Variants in TSHZ2 observed in about 807,000 individuals in gnomAD.
The protein encoded by TSHZ2 is teashirt zinc finger homeobox 2.
A neutral mutation model predicts 74.4 loss-of-function variants in TSHZ2; 21 were observed. The ratio of observed to expected loss-of-function variants is 0.28; its 90% CI spans 0.20 to 0.41. TSHZ2 has a LOEUF of 0.41. Among genes scored for constraint, TSHZ2 ranks in the 10% least tolerant of loss-of-function variants. TSHZ2 has a pLI of 1.00. For missense variants in TSHZ2, 1,244 were observed against 1,293.5 expected, an observed-to-expected ratio of 0.96 and a Z score of 0.59; for synonymous variants, 540 against 515.3, an observed-to-expected ratio of 1.05 and a Z score of -0.65.
chr20:53,384,938 C>T (rs965006527), intron 2 of TSHZ2, among the ~76,000 whole-genome samples: 17 of 152,170 alleles, frequency 1.1e-4, no homozygotes, highest in African/African-American at 3.1e-4. Flanking sequence ...CTGGCTAACA[C>T]GGTGAAACCC....
intron 2 of TSHZ2, among the ~76,000 whole-genome samples, chr20:53,467,278 G>T (rs1985591373): frequency 6.6e-6 from 1 of 152,108 alleles, no homozygotes; most frequent in South Asian, 2.1e-4. Context: ...TTCAACATTT[G>T]TTTAATGCAG....
chr20:53,405,124 C>T (rs1982797569), intron 2 of TSHZ2, among the ~76,000 whole-genome samples: 1 of 143,326 alleles, frequency 7.0e-6, no homozygotes, highest in Middle Eastern at 3.6e-3. Flanking sequence ...TTGCGCGTAC[C>T]TATAGTCTCA....
chr20:53,310,323 G>A (rs762273995), intron 2 of TSHZ2, among the ~76,000 whole-genome samples: 16 of 152,234 alleles, frequency 1.1e-4, no homozygotes, highest in Non-Finnish European at 1.9e-4. Flanking sequence ...GACTAGATCA[G>A]AGGATATCAA....
At chr20:53,000,014 T>C (rs1277837147) in intron 1 of TSHZ2, among the ~76,000 whole-genome samples, 1 of 152,234 alleles carries the variant, frequency 6.6e-6, no homozygotes, top group Admixed American at 6.5e-5. Context: ...CCTGGTGTTA[T>C]GCTAAACACT....
rs80039881 is a variant in TSHZ2, at chr20:53,081,416, C to T, written c.40+108083C>T. Among the ~76,000 whole-genome samples the T allele has an allele frequency of 5.0e-3, 759 of 152,330 alleles. 2 individuals are homozygous for T. Among genetic ancestry groups the T allele is most frequent in the Non-Finnish European group, 8.7e-3 (590 of 68,034 alleles). On this transcript the variant is annotated intron_variant, in intron 1 of 2. Coordinates refer to ENST00000371497, the MANE Select transcript of TSHZ2 (RefSeq NM_173485.6). ...GTTTGCATTTGTGTACGTGTGACTT[C>T]GTCCTTGAGAAACACTGAACACAGA...
intron 1 of TSHZ2, chr20:53,206,557 G>C (rs1219505307): frequency 6.6e-6 from 1 of 152,246 alleles, no homozygotes. Flanking sequence ...TCAAGGCTTT[G>C]CATCTGGGTC....
chr20:53,085,181 G>A (rs1486445272), intron 1 of TSHZ2, among the ~76,000 whole-genome samples: 1 of 151,970 alleles, frequency 6.6e-6, no homozygotes, highest in Admixed American at 6.6e-5. Flanking sequence ...AGGCGAATAT[G>A]GTGAAACCTC....
At chr20:53,433,016 C>G (rs1362359015) in intron 2 of TSHZ2, among the ~76,000 whole-genome samples, 2 of 152,140 alleles carry the variant, frequency 1.3e-5, no homozygotes, top group East Asian at 1.9e-4. Flanking sequence ...GCATCATGTC[C>G]ACATTCAAGG....
At chr20:53,405,563 CT>C (rs1982819548) in intron 2 of TSHZ2, among the ~76,000 whole-genome samples, 1 of 152,118 alleles carries the variant, frequency 6.6e-6, no homozygotes, top group South Asian at 2.1e-4. Context: ...TATTTTAGTC[CT>C]GGTCAAGGTC....
At chr20:53,437,412 G>T (rs1267650691) in intron 2 of TSHZ2, among the ~76,000 whole-genome samples, 2 of 152,158 alleles carry the variant, frequency 1.3e-5, no homozygotes, top group Non-Finnish European at 2.9e-5. Flanking sequence ...GACAGAGGTT[G>T]CAGTGAGCCA....
chr20:53,356,155 A>T (rs553135203), intron 2 of TSHZ2, among the ~76,000 whole-genome samples: 7 of 152,360 alleles, frequency 4.6e-5, no homozygotes, highest in African/African-American at 1.7e-4. Flanking sequence ...ACTTGACAAC[A>T]TTCTACCTTA....
chr20:53,226,478 G>A (rs1452944475), intron 1 of TSHZ2, among the ~76,000 whole-genome samples: 1 of 151,756 alleles, frequency 6.6e-6, no homozygotes. Context: ...CTCTTAATTA[G>A]AATAGTCTGT....
intron 1 of TSHZ2, among the ~76,000 whole-genome samples, chr20:53,093,489 ACT>A (rs1985948463): frequency 1.3e-5 from 2 of 151,122 alleles, no homozygotes; most frequent in Non-Finnish European, 3.0e-5. Flanking sequence ...GCTCTCCTTC[ACT>A]CTCGCTGGGT....
intron 2 of TSHZ2, among the ~76,000 whole-genome samples, chr20:53,374,757 T>C (rs1458169703): frequency 2.6e-5 from 4 of 152,182 alleles, no homozygotes; most frequent in African/African-American, 9.7e-5. Context: ...ATGTTGAGCA[T>C]TTTCTCATAT....
intron 1 of TSHZ2, among the ~76,000 whole-genome samples, chr20:53,029,819 GCTTTC>G (rs1183927086): frequency 6.6e-6 from 1 of 151,746 alleles, no homozygotes; most frequent in Non-Finnish European, 1.5e-5. Context: ...AGTGGGAGGA[GCTTTC>G]CTTTTTCTTC....
intron 2 of TSHZ2, among the ~76,000 whole-genome samples, chr20:53,374,013 G>A (rs999551072): frequency 6.6e-6 from 1 of 152,150 alleles, no homozygotes; most frequent in African/African-American, 2.4e-5. Context: ...AGATTCAGGG[G>A]TACATGTGCA....
intron 1 of TSHZ2, among the ~76,000 whole-genome samples, chr20:53,242,827 C>A (rs1395893894): frequency 3.3e-5 from 5 of 152,256 alleles, no homozygotes; most frequent in African/African-American, 1.2e-4. Flanking sequence ...ACTTATGGGT[C>A]CAATCATTCA....
rs118005178 is a variant in TSHZ2 at position 53,216,751 on chromosome 20, A to G, written c.41-36748A>G. The stretch of plus-strand genomic sequence containing the variant: ...TTGGCTGCTTTAATATTTCTCTATA[A>G]ATCAATCCTCTTTCCCCTTAATCAT... On this transcript the variant is annotated intron_variant, in intron 1 of 2. Coordinates refer to ENST00000371497, the MANE Select transcript of TSHZ2 (RefSeq NM_173485.6). Among the ~76,000 whole-genome samples, 1,317 of 152,256 alleles carry G rather than the reference A, an allele frequency of 8.6e-3. 11 individuals carry two copies. The highest frequency in any genetic ancestry group is 0.015 in the Non-Finnish European group (1,030 of 68,012).
At chr20:53,246,036 C>CTTTTTTTTTTTTTTTTTTTT (rs201257665) in intron 1 of TSHZ2, among the ~76,000 whole-genome samples, 17 of 126,688 alleles carry the variant, frequency 1.3e-4, no homozygotes, top group African/African-American at 4.5e-4. Flanking sequence ...TTCTTTCTTT[C>CTTTTTTTTTTTTTTTTTTTT]TTTCTTTTTT....
Sources: gnomAD v4.1 joint callset for allele counts (sites outside exome capture counted in the v4.1 genomes callset) on GRCh38, gnomAD v4.1.1 for gene constraint, MANE v1.5 for transcripts, NCBI Gene and HGNC (gene_info 2026-07-23, HGNC 2026-07-21) for gene names.